Variants in POGLUT2 observed in about 807,000 individuals in gnomAD.
POGLUT2 encodes ER protein 58.
POGLUT2 carries 47 observed loss-of-function variants against 57.6 expected under a neutral mutation model. The observed-to-expected ratio is 0.82, with a 90% CI of 0.65 to 1.04. The LOEUF is 1.04. Ranked by LOEUF, POGLUT2 falls within the 50% of genes least tolerant of loss-of-function variation. The pLI is 0.00. For synonymous variants in POGLUT2, 200 were observed against 218.8 expected, an observed-to-expected ratio of 0.91 and a Z score of 0.76; for missense variants, 565 against 614.8, an observed-to-expected ratio of 0.92 and a Z score of 0.86.
At chr13:102,792,157 C>T (rs547447752) in intron 4 of POGLUT2, 1 of 1,152,276 alleles carries the variant, frequency 8.7e-7, no homozygotes, top group African/African-American at 1.6e-5. Flanking sequence ...AATTAACAGA[C>T]TGTAAGTGCT....
At chr13:102,785,816 A>G (rs1730295597) in intron 9 of POGLUT2, among the ~76,000 whole-genome samples, 1 of 152,254 alleles carries the variant, frequency 6.6e-6, no homozygotes, top group South Asian at 2.1e-4. Context: ...TTTCAAATGA[A>G]GAATTGGAAA....
chr13:102,796,683 T>TAA (rs199885678), intron 2 of POGLUT2, 121 bp downstream of exon 2: 6 of 176,160 alleles, frequency 3.4e-5, no homozygotes, highest in Non-Finnish European at 5.1e-5. Flanking sequence ...CTTCTTTCAG[T>TAA]AAAAAAAAAA....
chr13:102,791,965 T>C (rs1241147329), intron 4 of POGLUT2: 2 of 1,282,650 alleles, frequency 1.6e-6, no homozygotes, highest in African/African-American at 1.5e-5. Context: ...ACAACAGATA[T>C]ACATTTTTAA....
At chr13:102,789,255 T>C (rs1416993194) in intron 6 of POGLUT2, 34 bp from the exon 7 acceptor site, 1 of 1,536,528 alleles carries the variant, frequency 6.5e-7, no homozygotes, top group South Asian at 1.1e-5. Context: ...AGAACCTCTA[T>C]TAAATCTCCT....
At chr13:102,793,017 C>G (rs1878240043) in intron 4 of POGLUT2, 1 of 217,352 alleles carries the variant, frequency 4.6e-6, no homozygotes, top group African/African-American at 2.3e-5. Flanking sequence ...CTCAAGTGAT[C>G]CACCCGCTTT....
At chr13:102,796,746 G>C (rs528504505) in intron 2 of POGLUT2, 58 bp downstream of exon 2, 44 of 772,634 alleles carry the variant, frequency 5.7e-5, no homozygotes, top group Non-Finnish European at 8.1e-5. Flanking sequence ...TTTGTTGATG[G>C]AATAACATAT....
chr13:102,791,863 G>T, intron 4 of POGLUT2: 1 of 621,362 alleles, frequency 1.6e-6, no homozygotes, highest in Non-Finnish European at 2.5e-6. Context: ...TAAGTTTCAA[G>T]CTATGCTTCC....
chr13:102,785,797 T>G (rs775648727), intron 9 of POGLUT2, among the ~76,000 whole-genome samples: 1 of 152,258 alleles, frequency 6.6e-6, no homozygotes, highest in Non-Finnish European at 1.5e-5. Context: ...TGGTATCAAC[T>G]GAGATGACTT....
In POGLUT2 at chr13:102,784,334, TAC is replaced by T; in HGVS notation, c.*159_*160del. 2 of 538,178 alleles carry T rather than the reference TAC, an allele frequency of 3.7e-6. No individual in the cohort carries two copies. The highest frequency in any genetic ancestry group is 6.8e-6 in the Non-Finnish European group (2 of 296,038). The allele number at this position is 538,178 out of a possible 1,614,324, so 33.3% of individuals were successfully genotyped here. A position where few individuals can be genotyped will look rare whatever the true frequency, so the allele number is the denominator to read the frequency against. On this transcript the variant is annotated 3_prime_UTR_variant, in exon 10 of 10. Coordinates refer to ENST00000376004, the MANE Select transcript of POGLUT2 (RefSeq NM_024089.3). ...AAAATTCTAAAAATGTACTTTAAAG[TAC>T]AGTCATGAGAATACTGCATAAGTAG...
Position 102,787,939 on chromosome 13 carries a change from C to G in POGLUT2, c.1294-16G>C, listed in dbSNP as rs530287692. 7.9e-6 allele frequency: 12 copies of G among 1,514,962 alleles called. No homozygotes were observed. The South Asian group carries it at 1.4e-4, about 18-fold the overall frequency. The allele number at this position is 1,514,962 out of a possible 1,614,324, so 93.8% of individuals were successfully genotyped here. A position where few individuals can be genotyped will look rare whatever the true frequency, so the allele number is the denominator to read the frequency against. ...TCTTTTTGGCCTACAGGAAGAACAA[C>G]GACAAAATCCTGTAATAGAATCCAT... On this transcript the variant is annotated splice_polypyrimidine_tract_variant and intron_variant, in intron 7 of 9. Transcript: ENST00000376004.
chr13:102,792,648 C>T (rs544818531), intron 4 of POGLUT2, among the ~76,000 whole-genome samples: 6 of 152,218 alleles, frequency 3.9e-5, no homozygotes, highest in African/African-American at 1.4e-4. Flanking sequence ...AGGGGAGAAG[C>T]CCACGTGATG....
Position 102,784,414 on chromosome 13 carries a change from A to G in POGLUT2, c.*81T>C. The G allele has an allele frequency of 1.2e-6, 1 of 826,406 alleles. No individual in the cohort carries two copies. Among genetic ancestry groups the G allele is most frequent in the South Asian group, 1.5e-5 (1 of 68,590 alleles). 51.2% of individuals were successfully genotyped at this position (826,406 alleles called of 1,614,324 possible). ...ACACAGATTTTATATTGTCCATGGA[A>G]TTAATACTTAAAAAAATTCTTCTTT... On this transcript the variant is annotated 3_prime_UTR_variant, in exon 10 of 10. Coordinates refer to ENST00000376004, the MANE Select transcript of POGLUT2 (RefSeq NM_024089.3).
chr13:102,793,464 C>A (rs1002908290), intron 3 of POGLUT2, 46 bp from the exon 4 acceptor site: 3 of 1,359,004 alleles, frequency 2.2e-6, no homozygotes, highest in African/African-American at 2.9e-5. Context: ...AAGACGCTGG[C>A]AGACTTCACT....
chr13:102,796,699 A>ATATATATATATAT (rs1185943886), intron 2 of POGLUT2, 105 bp downstream of exon 2: 56 of 150,134 alleles, frequency 3.7e-4, no homozygotes, highest in African/African-American at 1.3e-3. Flanking sequence ...AAAAAAAAAA[A>ATATATATATATAT]ATATATATAT....
In POGLUT2 at chr13:102,789,169, T is replaced by C; in HGVS notation, c.1136A>G (p.Tyr379Cys). 1 of 1,614,124 alleles carries C rather than the reference T, an allele frequency of 6.2e-7. No individual in the cohort carries two copies. Among genetic ancestry groups the C allele is most frequent in the Non-Finnish European group, 8.5e-7 (1 of 1,180,014 alleles). ...CACAACACTGTCACCAACTAGCAAA[T>C]ATGGCAGGCGATAAGCTGCTACAGT... ...DGTVAAYRLP[Y>C]LLVGDSVVLK... The change falls in exon 7 of 10, where the codon TAT becomes TGT. Residue 379 changes from tyrosine (Y) to cysteine (C), a missense_variant. By Grantham distance (194) the Tyr-to-Cys change is radical. Transcript: ENST00000376004.
chr13:102,795,945 C>T (rs2139102424), intron 2 of POGLUT2, among the ~76,000 whole-genome samples: 1 of 152,180 alleles, frequency 6.6e-6, no homozygotes, highest in African/African-American at 2.4e-5. Flanking sequence ...GTACTGTCGC[C>T]TGTAAGAGGG....
At chr13:102,796,514 A>G (rs1262203870) in intron 2 of POGLUT2, among the ~76,000 whole-genome samples, 1 of 150,966 alleles carries the variant, frequency 6.6e-6, no homozygotes, top group Non-Finnish European at 1.5e-5. Flanking sequence ...TATGAGCATG[A>G]ACACAGCTTG....
intron 9 of POGLUT2, 107 bp downstream of exon 9, chr13:102,786,125 G>T: frequency 1.4e-6 from 1 of 729,546 alleles, no homozygotes. Flanking sequence ...GACCTCGAGA[G>T]GAACTCAAAT....
chr13:102,796,848 T>C lies in POGLUT2; in HGVS notation c.344A>G (p.Lys115Arg), dbSNP rs1371200058. 9 of 1,609,452 alleles carry C rather than the reference T, an allele frequency of 5.6e-6. No individual in the cohort carries two copies. Among genetic ancestry groups the C allele is most frequent in the Non-Finnish European group, 7.7e-6 (9 of 1,176,150 alleles). The change falls in exon 2 of 10, where the codon AAA (lysine) becomes AGA (arginine). Residue 115 changes from lysine to arginine, a missense_variant. Coordinates refer to ENST00000376004, the MANE Select transcript of POGLUT2 (RefSeq NM_024089.3). ...TTTGGCCACATGTTGCCCTTGGAAT[T>C]TAATTTCCACCTTCAGATTTTTGTA... ...ASYKNLKVEI[K>R]FQGQHVAKSP...
Sources: allele counts gnomAD v4.1 joint callset (sites outside exome capture counted in the v4.1 genomes callset), GRCh38; gene constraint gnomAD v4.1.1; transcripts MANE v1.5; gene names NCBI Gene and HGNC (gene_info 2026-07-23, HGNC 2026-07-21).